KIF13A: variants seen among roughly 807,000 people sequenced by gnomAD.
KIF13A encodes the protein kinesin family member 13A.
KIF13A carries 79 observed loss-of-function variants against 212.2 expected under a neutral mutation model. That is an observed-to-expected ratio of 0.37 (90% CI 0.31 to 0.45). The LOEUF is 0.45. Ranked by LOEUF, KIF13A falls within the 20% of genes least tolerant of loss-of-function variation. The pLI is 1.00. For missense variants in KIF13A, 1,901 were observed against 2,209.0 expected, an observed-to-expected ratio of 0.86 and a Z score of 2.79; for synonymous variants, 789 against 808.6, an observed-to-expected ratio of 0.98 and a Z score of 0.41.
chr6:17,788,662 G>A (rs562823706), intron 26 of KIF13A, among the ~76,000 whole-genome samples: 2 of 152,270 alleles, frequency 1.3e-5, no homozygotes, highest in South Asian at 4.2e-4. Context: ...TCTAGTTTAA[G>A]ACTTAAGACG....
chr6:17,842,520 G>A (rs1489598419), intron 9 of KIF13A, among the ~76,000 whole-genome samples: 1 of 152,122 alleles, frequency 6.6e-6, no homozygotes, highest in Non-Finnish European at 1.5e-5. Context: ...CAATGTTAGT[G>A]GCAAAATAAG....
intron 2 of KIF13A, among the ~76,000 whole-genome samples, chr6:17,952,471 A>G (rs559697547): frequency 9.2e-5 from 14 of 151,938 alleles, no homozygotes; most frequent in African/African-American, 3.1e-4. Context: ...TGCCTCTACA[A>G]AAAATTTAAA....
rs150784198 is a variant in KIF13A at position 17,952,712 on chromosome 6, C to T, written c.146+34342G>A. Among the ~76,000 whole-genome samples, 869 of 152,034 alleles carry T rather than the reference C, an allele frequency of 5.7e-3. 13 individuals carry two copies. The highest frequency in any genetic ancestry group is 0.019 in the African/African-American group (802 of 41,468). On this transcript the variant is annotated intron_variant, in intron 2 of 38. Transcript: ENST00000259711. ...TTGGGAGGCTGAGGCAGGCAGATCA[C>T]GAGGTCAGGAGATTGAGACCATCCT...
At chr6:17,788,643 T>G (rs1761264339) in intron 26 of KIF13A, among the ~76,000 whole-genome samples, 1 of 152,198 alleles carries the variant, frequency 6.6e-6, no homozygotes, top group South Asian at 2.1e-4. Context: ...GCTCTTTGAC[T>G]TGCCTAATTC....
At chr6:17,862,505 A>G (rs1768895147) in intron 4 of KIF13A, among the ~76,000 whole-genome samples, 2 of 152,076 alleles carry the variant, frequency 1.3e-5, no homozygotes, top group Non-Finnish European at 2.9e-5. Context: ...TCCAATTTCA[A>G]AGATAAAAGG....
At chr6:17,943,299 C>G (rs1777105114) in intron 2 of KIF13A, among the ~76,000 whole-genome samples, 1 of 151,880 alleles carries the variant, frequency 6.6e-6, no homozygotes, top group Non-Finnish European at 1.5e-5. Context: ...TTTTATAATC[C>G]CTCTCTCTCC....
Position 17,826,179 on chromosome 6 carries a change from T to C in KIF13A, c.1533-55A>G. ...AAATGGGAAGGAGCACAAGACCTTG[T>C]CCTGGTAGCCAAAGAGATAACTAGG... On this transcript the variant is annotated intron_variant, in intron 14 of 38. Coordinates refer to ENST00000259711, the MANE Select transcript of KIF13A (RefSeq NM_022113.6). The surrounding 1 kb of genome is among the most constrained non-coding windows in gnomAD (Gnocchi z 4.7). 1 of 1,345,762 alleles carries C rather than the reference T, an allele frequency of 7.4e-7. No individual in the cohort carries two copies. The highest frequency in any genetic ancestry group is 1.1e-6 in the Non-Finnish European group (1 of 945,918). The allele number at this position is 1,345,762 out of a possible 1,614,324, so 83.4% of individuals were successfully genotyped here. A position where few individuals can be genotyped will look rare whatever the true frequency, so the allele number is the denominator to read the frequency against.
intron 38 of KIF13A, among the ~76,000 whole-genome samples, chr6:17,765,537 A>C (rs1373344572): frequency 6.6e-6 from 1 of 152,258 alleles, no homozygotes; most frequent in Admixed American, 6.5e-5. Flanking sequence ...TCGTAAGGCT[A>C]TAAAATACTA....
chr6:17,836,429 T>C (rs1267611592), intron 11 of KIF13A, among the ~76,000 whole-genome samples: 2 of 152,230 alleles, frequency 1.3e-5, no homozygotes, highest in South Asian at 2.1e-4. Context: ...CTTATTTGTT[T>C]GTTTCCATGA....
Position 17,809,401 on chromosome 6 carries a change from C to G in KIF13A, c.2001-471G>C, listed in dbSNP as rs902394848. Among the ~76,000 whole-genome samples, 1 of 152,152 alleles carries G rather than the reference C, an allele frequency of 6.6e-6. No homozygotes were observed. Among genetic ancestry groups the G allele is most frequent in the South Asian group, 2.1e-4 (1 of 4,832 alleles). ...TAGTTCTGCAGTAGCAGGAATTCTT[C>G]GTTTCAACTCTCTGTACAACATTAC... On this transcript the variant is annotated intron_variant, in intron 17 of 38. Transcript: ENST00000259711. The surrounding 1 kb of genome is among the most constrained non-coding windows in gnomAD (Gnocchi z 4.7).
chr6:17,764,553 A>T lies in KIF13A; in HGVS notation c.4975T>A (p.Leu1659Met). Residue 1659 changes from leucine to methionine, a missense_variant, in exon 39 of 39, where the codon TTG becomes ATG. Leu to Met is a conservative substitution (Grantham distance 15). Transcript: ENST00000259711. The surrounding 1 kb of genome is among the most constrained non-coding windows in gnomAD (Gnocchi z 5.1). ...ACCACAATTATCTTGTCCTTTACCAAGCCTTTTTCGACTTCTGTCAACTCT... is the reference window on the plus strand; with the variant it reads ...ACCACAATTATCTTGTCCTTTACCATGCCTTTTTCGACTTCTGTCAACTCT... ...NKELTEVEKG[L>M]VKDKIIVVPL... 3 of 1,613,856 alleles carry T rather than the reference A, an allele frequency of 1.9e-6. No individual in the cohort carries two copies. The highest frequency in any genetic ancestry group is 2.5e-6 in the Non-Finnish European group (3 of 1,179,862).
At chr6:17,965,951 G>C (rs941303982) in intron 2 of KIF13A, among the ~76,000 whole-genome samples, 2 of 152,172 alleles carry the variant, frequency 1.3e-5, no homozygotes, top group Non-Finnish European at 2.9e-5. Context: ...TGAGGCAGGC[G>C]GATCACTTGA....
chr6:17,881,372 T>A, intron 3 of KIF13A: 1 of 384,684 alleles, frequency 2.6e-6, no homozygotes, highest in Non-Finnish European at 5.0e-6. Context: ...GAATAGGATG[T>A]AGTACAGTTA....
At chr6:17,978,826 TA>T (rs1780812175) in intron 2 of KIF13A, among the ~76,000 whole-genome samples, 1 of 152,226 alleles carries the variant, frequency 6.6e-6, no homozygotes, top group Non-Finnish European at 1.5e-5. Flanking sequence ...CCACTATTTC[TA>T]GCTGGATTTC....
intron 2 of KIF13A, among the ~76,000 whole-genome samples, chr6:17,927,295 C>G (rs1452763535): frequency 6.6e-6 from 1 of 152,092 alleles, no homozygotes; most frequent in African/African-American, 2.4e-5. Context: ...AATTAATAAA[C>G]AAAATGGGGT....
intron 2 of KIF13A, among the ~76,000 whole-genome samples, chr6:17,941,173 A>T (rs1294439507): frequency 6.6e-6 from 1 of 152,212 alleles, no homozygotes; most frequent in East Asian, 1.9e-4. Flanking sequence ...TGGTATTTGA[A>T]GGGTAGAATC....
At position 17,872,247 on chromosome 6, in the gene KIF13A, C is replaced by T. The variant is rs554277569; in HGVS notation, c.220+1130G>A. Among the ~76,000 whole-genome samples the T allele has an allele frequency of 2.4e-4, 37 of 152,304 alleles. No individual in the cohort carries two copies. Among genetic ancestry groups the T allele is most frequent in the African/African-American group, 8.7e-4 (36 of 41,578 alleles). On this transcript the variant is annotated intron_variant, in intron 4 of 38. Transcript: ENST00000259711. The surrounding 1 kb of genome is among the most constrained non-coding windows in gnomAD (Gnocchi z 4.7). Reference sequence around the variant, plus strand: ...TGGCAAGGAAAAACCTATCAATAAACAAAACATTAATTTTCTTTAAACTAG... The same window carrying T: ...TGGCAAGGAAAAACCTATCAATAAATAAAACATTAATTTTCTTTAAACTAG...
chr6:17,817,453 C>A (rs571534707), intron 16 of KIF13A, among the ~76,000 whole-genome samples: 1 of 152,170 alleles, frequency 6.6e-6, no homozygotes, highest in Non-Finnish European at 1.5e-5. Context: ...TTCTCCACAT[C>A]CTCTACGTTA....
chr6:17,777,768 TACAC>T lies in KIF13A; in HGVS notation c.4093-418_4093-415del, dbSNP rs1365052175. The stretch of plus-strand genomic sequence containing the variant: ...ATAGACTGCATCAGTTCTACATACA[TACAC>T]ATTTATAAAACTGAAATATTATTTT... On this transcript the variant is annotated intron_variant, in intron 33 of 38. Coordinates refer to ENST00000259711, the MANE Select transcript of KIF13A (RefSeq NM_022113.6). The surrounding 1 kb of genome is among the most constrained non-coding windows in gnomAD (Gnocchi z 4.4). 2.0e-5 allele frequency among the ~76,000 whole-genome samples: 3 copies of T among 152,218 alleles called. No homozygotes were observed. The highest frequency in any genetic ancestry group is 4.4e-5 in the Non-Finnish European group (3 of 68,042).
Sources: gnomAD v4.1 joint callset for allele counts (sites outside exome capture counted in the v4.1 genomes callset) on GRCh38, gnomAD v4.1.1 for gene constraint, Gnocchi (gnomAD v3.1) non-coding constraint, MANE v1.5 for transcripts, NCBI Gene and HGNC (gene_info 2026-07-23, HGNC 2026-07-21) for gene names.